The following BBS9 variants were observed in gnomAD, a reference collection of about 807,000 sequenced individuals.
BBS9 encodes the protein Bardet-Biedl syndrome 9.
BBS9 carries 89 observed loss-of-function variants against 117.7 expected under a neutral mutation model. That is an observed-to-expected ratio of 0.76 (90% confidence interval 0.64 to 0.90). The LOEUF (loss-of-function observed/expected upper bound fraction) is 0.90. BBS9 is among the 40% of genes least tolerant of loss of function. The pLI is 0.00. For synonymous variants in BBS9, 379 were observed against 370.9 expected (o/e 1.02, Z -0.25); for missense variants, 982 against 1,042.2 (o/e 0.94, Z 0.80).
At chr7:33,262,963 GTA>G (rs1426484436) in intron 6 of BBS9, among the ~76,000 whole-genome samples, 25 of 152,264 alleles carry the variant, frequency 1.6e-4, no homozygotes, top group Non-Finnish European at 2.2e-4. Context: ...TTAGCTGTCT[GTA>G]TATGAGTCTC....
At chr7:33,262,889 C>A (rs539436964) in intron 6 of BBS9, among the ~76,000 whole-genome samples, 2 of 152,276 alleles carry the variant, frequency 1.3e-5, no homozygotes, top group African/African-American at 4.8e-5. Context: ...CCCCCAATTA[C>A]TTGTTACTAT....
rs930440318 is a variant in BBS9, at chr7:33,505,469, G to C, written c.2122G>C (p.Ala708Pro). ...LLDGTYKQVI[A>P]LADAVEENQG... ...AAGTTTGTAATATCTGCAGGTAATT[G>C]CTCTAGCAGATGCAGTGGAGGAAAA... Residue 708 changes from alanine (A) to proline (P), a missense_variant, in exon 20 of 23, where the codon GCT becomes CCT. Transcript: ENST00000242067. The C allele has an allele frequency of 1.2e-6, 2 of 1,614,040 alleles. No homozygotes were observed. Among genetic ancestry groups the C allele is most frequent in the African/African-American group, 2.7e-5 (2 of 75,050 alleles).
chr7:33,403,904 G>A (rs868742956), intron 19 of BBS9, among the ~76,000 whole-genome samples: 3,089 of 152,112 alleles, frequency 0.02, 51 homozygotes, highest in Non-Finnish European at 0.03. Context: ...GACTTCCACA[G>A]TGGTTGAACT....
At chr7:33,322,860 G>T (rs1038663180) in intron 9 of BBS9, among the ~76,000 whole-genome samples, 1 of 151,978 alleles carries the variant, frequency 6.6e-6, no homozygotes, top group African/African-American at 2.4e-5. Flanking sequence ...CTTTTTAACT[G>T]TAGATGCTTA....
At chr7:33,374,534 G>T (rs939868270) in intron 17 of BBS9, among the ~76,000 whole-genome samples, 44 of 152,048 alleles carry the variant, frequency 2.9e-4, no homozygotes, top group African/African-American at 1.0e-3. Flanking sequence ...CTTGGAAAAA[G>T]CCTGTTGAAA....
chr7:33,451,122 T>G (rs1238315133), intron 19 of BBS9, among the ~76,000 whole-genome samples: 1 of 152,056 alleles, frequency 6.6e-6, no homozygotes, highest in Admixed American at 6.6e-5. Context: ...TCTCCTGACC[T>G]CGTGATCTGC....
chr7:33,511,313 G>T (rs539521194), intron 20 of BBS9, among the ~76,000 whole-genome samples: 1 of 152,164 alleles, frequency 6.6e-6, no homozygotes, highest in East Asian at 1.9e-4. Flanking sequence ...AGAACAAGAA[G>T]GAGCAGTTTT....
exon 22 of BBS9, among the ~76,000 whole-genome samples, chr7:33,635,504 C>T (rs373612457): frequency 3.9e-5 from 6 of 152,230 alleles, no homozygotes; most frequent in African/African-American, 9.7e-5. Flanking sequence ...CATGCAGCTG[C>T]GGCTCTTCCA....
rs1318408788 is a variant in BBS9 at position 33,501,163 on chromosome 7, AG to A, written c.2116-4298del. ...CTGGTTGGCCTCATTTCTCAGTTCC[AG>A]GTGAGCAGCGAGATCTTCTAGGCCT... On this transcript the variant is annotated intron_variant, in intron 19 of 22. Transcript: ENST00000242067. Among the ~76,000 whole-genome samples the A allele has an allele frequency of 2.0e-5, 3 of 152,296 alleles. No homozygotes were observed. In the East Asian group the frequency reaches 5.8e-4, roughly 29 times the overall value.
At chr7:33,222,196 T>C (rs1036243791) in intron 5 of BBS9, among the ~76,000 whole-genome samples, 2 of 152,210 alleles carry the variant, frequency 1.3e-5, no homozygotes, top group African/African-American at 2.4e-5. Context: ...CATGTGACTG[T>C]TGATAGAAAT....
At chr7:33,635,608 C>T (rs1485204858) in exon 22 of BBS9, among the ~76,000 whole-genome samples, 2 of 152,216 alleles carry the variant, frequency 1.3e-5, no homozygotes, top group Non-Finnish European at 2.9e-5. Flanking sequence ...GAAAAATCCT[C>T]TGTGCTTTGA....
At chr7:33,212,040 C>A (rs535529443) in intron 5 of BBS9, among the ~76,000 whole-genome samples, 2 of 152,230 alleles carry the variant, frequency 1.3e-5, no homozygotes, top group African/African-American at 4.8e-5. Flanking sequence ...TTATTAGATG[C>A]CTTGAGAAAG....
intron 21 of BBS9, among the ~76,000 whole-genome samples, chr7:33,593,509 C>T (rs1862265689): frequency 6.6e-6 from 1 of 150,692 alleles, no homozygotes; most frequent in Non-Finnish European, 1.5e-5. Flanking sequence ...TTAGAAAAAA[C>T]AGATGTAATG....
At chr7:33,216,252 T>C (rs142744809) in intron 5 of BBS9, among the ~76,000 whole-genome samples, 18 of 152,350 alleles carry the variant, frequency 1.2e-4, no homozygotes, top group African/African-American at 4.3e-4. Context: ...CTAACTCCCT[T>C]CTAAACACTG....
chr7:33,496,636 A>G (rs908261671), intron 19 of BBS9, among the ~76,000 whole-genome samples: 1 of 152,204 alleles, frequency 6.6e-6, no homozygotes, highest in African/African-American at 2.4e-5. Context: ...CTGTCCTATT[A>G]ATACAAAATA....
intron 8 of BBS9, 80 bp from the exon 9 acceptor site, chr7:33,273,747 G>A: frequency 7.6e-7 from 1 of 1,315,160 alleles, no homozygotes; most frequent in East Asian, 2.3e-5. Flanking sequence ...ATTAGTTTGT[G>A]CTATCAATTT....
chr7:33,273,036 G>C lies in BBS9; in HGVS notation c.727G>C (p.Glu243Gln). Residue 243 changes from glutamate to glutamine, a missense_variant, in exon 8 of 23, where the codon GAG becomes CAG. Coordinates refer to ENST00000242067, the MANE Select transcript of BBS9 (RefSeq NM_198428.3). Reference sequence around the variant, plus strand: ...GGTGGATTGGACTCTAAATATTGGAGAGCAAGCCCTTGACATATGTATTGT... The same window carrying C: ...GGTGGATTGGACTCTAAATATTGGACAGCAAGCCCTTGACATATGTATTGT... ...LVVDWTLNIG[E>Q]QALDICIVSF... 6.2e-7 allele frequency: 1 copy of C among 1,613,648 alleles called. No individual in the cohort carries two copies. Among genetic ancestry groups the C allele is most frequent in the Non-Finnish European group, 8.5e-7 (1 of 1,179,756 alleles).
At chr7:33,147,458 G>T (rs186694157) in intron 2 of BBS9, among the ~76,000 whole-genome samples, 241 of 152,226 alleles carry the variant, frequency 1.6e-3, no homozygotes, top group African/African-American at 5.0e-3. Context: ...GTACTAAACT[G>T]CACAGAGCAC....
chr7:33,179,979 C>G (rs1207889778), intron 5 of BBS9, among the ~76,000 whole-genome samples: 2 of 152,186 alleles, frequency 1.3e-5, no homozygotes, highest in African/African-American at 2.4e-5. Context: ...GCCTTTTCCA[C>G]CAGTTTTAAT....
Sources: allele counts gnomAD v4.1 joint callset (sites outside exome capture counted in the v4.1 genomes callset), GRCh38; gene constraint gnomAD v4.1.1; transcripts MANE v1.5; gene names NCBI Gene and HGNC (gene_info 2026-07-23, HGNC 2026-07-21).